TMTC1: variants seen among roughly 807,000 people sequenced by gnomAD.
TMTC1 encodes transmembrane O-mannosyltransferase targeting cadherins 1.
Under a neutral mutation model 104.8 loss-of-function variants are expected in TMTC1, and 73 were observed. The ratio of observed to expected loss-of-function variants is 0.70; its 90% confidence interval spans 0.58 to 0.85. The LOEUF (loss-of-function observed/expected upper bound fraction) is 0.85. Among genes scored for constraint, TMTC1 ranks in the 40% least tolerant of loss-of-function variants. TMTC1 has a pLI of 0.00. For synonymous variants in TMTC1, 434 were observed against 428.7 expected (o/e 1.01, Z -0.15); for missense variants, 1,035 against 1,096.1 (o/e 0.94, Z 0.79).
intron 5 of TMTC1, among the ~76,000 whole-genome samples, chr12:29,634,130 T>A (rs982540765): frequency 9.9e-5 from 15 of 152,200 alleles, no homozygotes; most frequent in Admixed American, 9.8e-4. Context: ...CTCATTAAAA[T>A]GCTTACCTGA....
rs1393892592 is a variant in TMTC1 at position 29,557,065 on chromosome 12, G to C, written c.1533-65C>G. On this transcript the variant is annotated intron_variant, in intron 9 of 17. Transcript: ENST00000539277. ...CTTCTAAGTTGGGCACAACTTGCTT[G>C]TTCTTCTTCCCCCAAGTATGAACAG... 1.9e-6 allele frequency: 3 copies of C among 1,565,792 alleles called. No individual in the cohort carries two copies. In the African/African-American group the frequency reaches 4.1e-5, roughly 21 times the overall value.
intron 5 of TMTC1, among the ~76,000 whole-genome samples, chr12:29,732,676 A>C (rs1226811583): frequency 6.6e-6 from 1 of 152,214 alleles, no homozygotes; most frequent in Non-Finnish European, 1.5e-5. Context: ...GATTTAAAAA[A>C]AATTACAGTC....
At chr12:29,757,628 GC>G (rs752636884) in intron 3 of TMTC1, among the ~76,000 whole-genome samples, 1 of 152,078 alleles carries the variant, frequency 6.6e-6, no homozygotes, top group Non-Finnish European at 1.5e-5. Context: ...TGGTTGACTT[GC>G]CCCCCTTTTC....
At chr12:29,746,430 T>C (rs1942957957) in intron 5 of TMTC1, among the ~76,000 whole-genome samples, 1 of 152,230 alleles carries the variant, frequency 6.6e-6, no homozygotes, top group Non-Finnish European at 1.5e-5. Flanking sequence ...ACTAGGTTTC[T>C]CTCAAAGATG....
chr12:29,774,873 G>A (rs1048454071), intron 1 of TMTC1, among the ~76,000 whole-genome samples: 1 of 152,200 alleles, frequency 6.6e-6, no homozygotes, highest in Non-Finnish European at 1.5e-5. Flanking sequence ...CAACAGTCCA[G>A]AGGGGAGATT....
intron 1 of TMTC1, among the ~76,000 whole-genome samples, chr12:29,780,531 T>C (rs182462275): frequency 2.0e-4 from 31 of 152,332 alleles, no homozygotes; most frequent in African/African-American, 7.2e-4. Context: ...TAGGTGTCCA[T>C]GATTGCAATA....
intron 5 of TMTC1, among the ~76,000 whole-genome samples, chr12:29,669,025 C>T (rs547217361): frequency 1.6e-4 from 25 of 152,206 alleles, no homozygotes; most frequent in Non-Finnish European, 2.6e-4. Context: ...GCTGGGAGGG[C>T]GTCACTGTGT....
chr12:29,671,807 A>G (rs367579211), intron 5 of TMTC1, among the ~76,000 whole-genome samples: 1 of 152,180 alleles, frequency 6.6e-6, no homozygotes, highest in Non-Finnish European at 1.5e-5. Flanking sequence ...AAAGAAATCA[A>G]CATGGGCTGG....
At chr12:29,714,663 CT>C (rs879785351) in intron 5 of TMTC1, among the ~76,000 whole-genome samples, 11 of 152,348 alleles carry the variant, frequency 7.2e-5, no homozygotes, top group East Asian at 1.9e-4. Flanking sequence ...GGTACCCCCC[CT>C]GGATTTGTGG....
At chr12:29,750,211 T>G (rs1432150016) in intron 5 of TMTC1, among the ~76,000 whole-genome samples, 3 of 151,922 alleles carry the variant, frequency 2.0e-5, no homozygotes, top group Admixed American at 1.3e-4. Context: ...TCCTCCCAAT[T>G]TGCTATGATC....
intron 5 of TMTC1, among the ~76,000 whole-genome samples, chr12:29,690,694 T>C (rs1488376164): frequency 6.6e-6 from 1 of 152,192 alleles, no homozygotes; most frequent in Non-Finnish European, 1.5e-5. Context: ...CATTGACAAA[T>C]ATTTGTGTTT....
intron 2 of TMTC1, among the ~76,000 whole-genome samples, chr12:29,767,601 T>C (rs1223124527): frequency 1.3e-5 from 2 of 152,134 alleles, no homozygotes; most frequent in Admixed American, 6.5e-5. Flanking sequence ...ATAACAGCAG[T>C]TATTTAGAAA....
intron 5 of TMTC1, among the ~76,000 whole-genome samples, chr12:29,747,645 C>T (rs1942988366): frequency 6.6e-6 from 1 of 152,192 alleles, no homozygotes; most frequent in Non-Finnish European, 1.5e-5. Context: ...CTGCATATTG[C>T]AGGTTCAGCA....
At chr12:29,621,809 GA>G (rs1454915389) in intron 6 of TMTC1, among the ~76,000 whole-genome samples, 1 of 152,140 alleles carries the variant, frequency 6.6e-6, no homozygotes, top group African/African-American at 2.4e-5. Context: ...GAACAGGCAT[GA>G]AGGGAGATCC....
chr12:29,701,684 T>TA (rs1941598888), intron 5 of TMTC1, among the ~76,000 whole-genome samples: 1 of 152,218 alleles, frequency 6.6e-6, no homozygotes, highest in South Asian at 2.1e-4. Context: ...AATAGCTTAC[T>TA]AAATGCTTTC....
intron 6 of TMTC1, among the ~76,000 whole-genome samples, chr12:29,623,984 T>C (rs904515830): frequency 1.3e-5 from 2 of 151,756 alleles, no homozygotes; most frequent in African/African-American, 4.8e-5. Flanking sequence ...CTCTGTCTTG[T>C]TTTTGTTTTT....
At chr12:29,693,753 A>G (rs574736060) in intron 5 of TMTC1, among the ~76,000 whole-genome samples, 1 of 152,336 alleles carries the variant, frequency 6.6e-6, no homozygotes, top group Non-Finnish European at 1.5e-5. Flanking sequence ...ACAAGTCTCT[A>G]TTCAGTGTAT....
At chr12:29,682,235 G>A (rs894809600) in intron 5 of TMTC1, among the ~76,000 whole-genome samples, 9 of 152,068 alleles carry the variant, frequency 5.9e-5, no homozygotes, top group African/African-American at 2.2e-4. Context: ...CAGCTAAAAT[G>A]AAAAATAGAG....
chr12:29,742,362 G>A (rs759859855), intron 5 of TMTC1, among the ~76,000 whole-genome samples: 4 of 152,050 alleles, frequency 2.6e-5, no homozygotes, highest in African/African-American at 7.2e-5. Flanking sequence ...GACTTATATA[G>A]GTTAAATCAC....
Sources: gnomAD v4.1 joint callset for allele counts (sites outside exome capture counted in the v4.1 genomes callset) on GRCh38, gnomAD v4.1.1 for gene constraint, MANE v1.5 for transcripts, NCBI Gene and HGNC (gene_info 2026-07-23, HGNC 2026-07-21) for gene names.